ROCK1: variants seen among roughly 807,000 people sequenced by gnomAD.
ROCK1 encodes Rho associated coiled-coil containing protein kinase 1.
A neutral mutation model predicts 196.8 loss-of-function variants in ROCK1; 36 were observed. The observed-to-expected ratio is 0.18, with a 90% confidence interval of 0.14 to 0.24. ROCK1 has a LOEUF of 0.24. Ranked by LOEUF, ROCK1 falls within the 10% of genes least tolerant of loss-of-function variation. The pLI, the probability that ROCK1 is intolerant of heterozygous loss-of-function variation, is 1.00. For synonymous variants in ROCK1, 443 were observed against 515.9 expected (o/e 0.86, Z 1.91); for missense variants, 920 against 1,562.0 (o/e 0.59, Z 6.93).
chr18:21,094,947 A>C (rs1025902004), intron 1 of ROCK1, among the ~76,000 whole-genome samples: 3 of 150,376 alleles, frequency 2.0e-5, no homozygotes, highest in African/African-American at 7.4e-5. Context: ...CTACTCGGGA[A>C]GCTGAAGCAG....
At chr18:21,007,523 A>G (rs2035778575) in intron 14 of ROCK1, among the ~76,000 whole-genome samples, 1 of 152,230 alleles carries the variant, frequency 6.6e-6, no homozygotes, top group Non-Finnish European at 1.5e-5. Flanking sequence ...GCTACAATGA[A>G]TAGCCTTGTG....
intron 4 of ROCK1, among the ~76,000 whole-genome samples, chr18:21,045,950 G>C (rs534145634): frequency 8.8e-6 from 1 of 114,106 alleles, no homozygotes. Context: ...TCGCTCTGTC[G>C]CCCAGGCTGG....
At chr18:20,995,443 A>G (rs1406907852) in intron 16 of ROCK1, among the ~76,000 whole-genome samples, 5 of 152,294 alleles carry the variant, frequency 3.3e-5, no homozygotes, top group African/African-American at 4.8e-5. Context: ...TTAGTGATAT[A>G]TATCAGCTTG....
In ROCK1 at chr18:21,006,522, T is replaced by C. The variant is rs1487856294; in HGVS notation, c.1714A>G (p.Ser572Gly). Residue 572 changes from serine to glycine, a missense_variant, in exon 16 of 33, where the codon AGC becomes GGC. By Grantham distance (56) the Ser-to-Gly change is moderately conservative. This residue lies in a region of ROCK1 where 520 missense variants were observed against 657.1 expected (regional missense o/e 0.79). Transcript: ENST00000399799. ...GACTCTAACTGACTAATTGACTTGC[T>C]CATCTCTGTGTGACTCTTCCTCAAT... is the stretch of plus-strand genomic sequence containing the variant. ...VRLRKSHTEM[S>G]KSISQLESLN... The C allele has an allele frequency of 6.2e-7, 1 of 1,613,906 alleles. No individual in the cohort carries two copies. The highest frequency in any genetic ancestry group is 8.5e-7 in the Non-Finnish European group (1 of 1,179,960).
chr18:21,060,839 C>CAAAAA (rs930819259), intron 2 of ROCK1, among the ~76,000 whole-genome samples: 2 of 44,758 alleles, frequency 4.5e-5, no homozygotes, highest in Non-Finnish European at 1.0e-4. Context: ...AACTCCATCT[C>CAAAAA]AAAAAAAAAA....
rs2035148141 is a variant in ROCK1 at position 20,948,211 on chromosome 18, CTTA to C, written c.*3170_*3172del. ...TGGACTTCTACTACAGATATAAAAT[CTTA>C]TTATAAAGTTACAGTAATTAAAAGT... is the stretch of plus-strand genomic sequence containing the variant. On this transcript the variant is annotated 3_prime_UTR_variant, in exon 33 of 33. Coordinates refer to ENST00000399799, the MANE Select transcript of ROCK1 (RefSeq NM_005406.3). 1 of 152,144 alleles carries C rather than the reference CTTA, an allele frequency of 6.6e-6. No homozygotes were observed. Among genetic ancestry groups the C allele is most frequent in the African/African-American group, 2.4e-5 (1 of 41,418 alleles). 9.4% of individuals were successfully genotyped at this position (152,144 alleles called of 1,614,324 possible).
At chr18:20,982,483 C>T (rs1189169299) in intron 21 of ROCK1, among the ~76,000 whole-genome samples, 1 of 152,144 alleles carries the variant, frequency 6.6e-6, no homozygotes, top group Non-Finnish European at 1.5e-5. Flanking sequence ...AACTCCTGAC[C>T]TCAAGTGATC....
chr18:21,010,870 G>A (rs1411529164), intron 13 of ROCK1, among the ~76,000 whole-genome samples: 6 of 152,158 alleles, frequency 3.9e-5, no homozygotes. Context: ...GTTGTTTGGT[G>A]TACAGTTAGG....
Position 21,111,079 on chromosome 18 carries a change from C to A in ROCK1, c.-169G>T. On this transcript the variant is annotated 5_prime_UTR_variant, in exon 1 of 33. An upstream open reading frame in the 5' UTR gains an earlier in-frame stop. Coordinates refer to ENST00000399799, the MANE Select transcript of ROCK1 (RefSeq NM_005406.3). The surrounding 1 kb of genome is among the most constrained non-coding windows in gnomAD (Gnocchi z 4.2). ...TCCCCTCACTGAGGGGACCTCCGCTCTCCAGACCCCGGGCCGGGGGCAACA... is the reference window on the plus strand; with the variant it reads ...TCCCCTCACTGAGGGGACCTCCGCTATCCAGACCCCGGGCCGGGGGCAACA... 1.6e-6 allele frequency: 1 copy of A among 607,982 alleles called. No homozygotes were observed. Among genetic ancestry groups the A allele is most frequent in the South Asian group, 1.9e-5 (1 of 52,026 alleles). 37.7% of individuals were successfully genotyped at this position (607,982 alleles called of 1,614,324 possible). A position where few individuals can be genotyped will look rare whatever the true frequency, so the allele number is the denominator to read the frequency against.
At chr18:21,018,597 TCTTCCC>T (rs1465217836) in intron 12 of ROCK1, among the ~76,000 whole-genome samples, 1 of 152,142 alleles carries the variant, frequency 6.6e-6, no homozygotes, top group African/African-American at 2.4e-5. Flanking sequence ...TCTACCCAGT[TCTTCCC>T]CTTATTTACA....
At chr18:21,089,462 G>A (rs1021148852) in intron 1 of ROCK1, among the ~76,000 whole-genome samples, 9 of 152,232 alleles carry the variant, frequency 5.9e-5, no homozygotes, top group Admixed American at 1.3e-4. Flanking sequence ...TCATATCTGC[G>A]CCTGCATTCA....
At chr18:20,982,555 A>G (rs1462551577) in intron 21 of ROCK1, among the ~76,000 whole-genome samples, 1 of 152,182 alleles carries the variant, frequency 6.6e-6, no homozygotes, top group East Asian at 1.9e-4. Context: ...CCTGGCCTGA[A>G]AAGTTTTTAC....
At chr18:21,042,747 TAA>T (rs747544910) in intron 6 of ROCK1, 38 bp from the exon 7 acceptor site, 1 of 1,570,612 alleles carries the variant, frequency 6.4e-7, no homozygotes, top group Non-Finnish European at 8.6e-7. Flanking sequence ...AATTAGGATA[TAA>T]AGTCTCAATT....
Position 20,992,820 on chromosome 18 carries a change from A to T in ROCK1, c.1992+11T>A. On this transcript the variant is annotated intron_variant, in intron 17 of 32. Coordinates refer to ENST00000399799, the MANE Select transcript of ROCK1 (RefSeq NM_005406.3). ...TATTTTATAATAATTGGTATATGTT[A>T]AATCATTTACCTTTTCTGAGTGATT... 1 of 1,469,338 alleles carries T rather than the reference A, an allele frequency of 6.8e-7. No individual in the cohort carries two copies. The highest frequency in any genetic ancestry group is 9.5e-7 in the Non-Finnish European group (1 of 1,051,154). 91.0% of individuals were successfully genotyped at this position (1,469,338 alleles called of 1,614,324 possible).
In ROCK1 at chr18:20,947,800, T is replaced by C. The variant is rs1441564480; in HGVS notation, c.*3584A>G. On this transcript the variant is annotated 3_prime_UTR_variant, in exon 33 of 33. Coordinates refer to ENST00000399799, the MANE Select transcript of ROCK1 (RefSeq NM_005406.3). ...GAGGTCGTATACATCTTTCAGTAGA[T>C]TGTTTTTAAATTTATATGGGAATGC... The C allele has an allele frequency of 6.6e-5, 10 of 152,218 alleles. No individual in the cohort carries two copies. Among genetic ancestry groups the C allele is most frequent in the Admixed American group, 6.5e-4 (10 of 15,288 alleles). 9.4% of individuals were successfully genotyped at this position (152,218 alleles called of 1,614,324 possible). A position where few individuals can be genotyped will look rare whatever the true frequency, so the allele number is the denominator to read the frequency against.
chr18:20,979,655 T>C (rs1437518006), intron 22 of ROCK1, among the ~76,000 whole-genome samples: 5 of 151,310 alleles, frequency 3.3e-5, no homozygotes, highest in East Asian at 2.0e-4. Flanking sequence ...AAAATTGCAA[T>C]ACCCCTGAAA....
intron 11 of ROCK1, among the ~76,000 whole-genome samples, chr18:21,021,532 CA>C (rs1355675478): frequency 1.9e-4 from 29 of 152,254 alleles, no homozygotes; most frequent in African/African-American, 7.0e-4. Flanking sequence ...CAGTCAGTGT[CA>C]AATACAGCAA....
intron 20 of ROCK1, among the ~76,000 whole-genome samples, chr18:20,983,548 G>A (rs928496790): frequency 7.2e-5 from 11 of 151,762 alleles, no homozygotes; most frequent in South Asian, 2.1e-4. Flanking sequence ...AAAATCTAGC[G>A]GCTAGACTTT....
chr18:20,958,938 A>T (rs1313305682), intron 29 of ROCK1, among the ~76,000 whole-genome samples: 3 of 95,776 alleles, frequency 3.1e-5, no homozygotes, highest in African/African-American at 4.2e-5. Context: ...TATATTATAT[A>T]AAAAATAATA....
Sources: allele counts gnomAD v4.1 joint callset (sites outside exome capture counted in the v4.1 genomes callset), GRCh38; gene constraint gnomAD v4.1.1; regional missense constraint gnomAD v4.1.1; non-coding constraint Gnocchi (gnomAD v3.1); transcripts MANE v1.5; gene names NCBI Gene and HGNC (gene_info 2026-07-23, HGNC 2026-07-21).